The following METTL8 variants were observed in gnomAD, a reference collection of about 807,000 sequenced individuals.
The protein encoded by METTL8 is methyltransferase 8, tRNA N3-cytidine.
A neutral mutation model predicts 48.7 loss-of-function variants in METTL8; 32 were observed. The ratio of observed to expected loss-of-function variants is 0.66; its 90% CI spans 0.50 to 0.88. The LOEUF is 0.88. Ranked by LOEUF, METTL8 falls within the 40% of genes least tolerant of loss-of-function variation. The pLI is 0.00. For missense variants in METTL8, 464 were observed against 474.4 expected (o/e 0.98, Z 0.20); for synonymous variants, 136 against 157.1 (o/e 0.87, Z 1.01).
chr2:171,363,818 T>TATATATA (rs1253414074), intron 2 of METTL8, among the ~76,000 whole-genome samples: 1 of 52,968 alleles, frequency 1.9e-5, no homozygotes, highest in Non-Finnish European at 4.0e-5. Flanking sequence ...ATATATATCT[T>TATATATA]TTTTTTTTTT....
chr2:171,322,006 A>G lies in METTL8; in HGVS notation c.*2166T>C, dbSNP rs1684544403. On this transcript the variant is annotated 3_prime_UTR_variant, in exon 10 of 10. Transcript: ENST00000375258. Reference sequence around the variant, plus strand: ...ATACGCAGTCTAACAACTGTCACCCAGGCTGGAGGGCAGTGGTGTCATCTC... The same window carrying G: ...ATACGCAGTCTAACAACTGTCACCCGGGCTGGAGGGCAGTGGTGTCATCTC... The G allele has an allele frequency of 6.7e-6, 1 of 149,070 alleles. No individual in the cohort carries two copies. The highest frequency in any genetic ancestry group is 2.5e-5 in the African/African-American group (1 of 40,550). The allele number at this position is 149,070 out of a possible 1,614,324, so 9.2% of individuals were successfully genotyped here.
At chr2:171,396,261 C>CAATG (rs1318966986) in intron 1 of METTL8, among the ~76,000 whole-genome samples, 4 of 146,454 alleles carry the variant, frequency 2.7e-5, no homozygotes, top group African/African-American at 1.0e-4. Flanking sequence ...GACTCTGTCT[C>CAATG]AATGAATAAA....
rs118149460 is a variant in METTL8, at chr2:171,329,144, C to G, written c.860+1415G>C. Among the ~76,000 whole-genome samples the G allele has an allele frequency of 1.9e-3, 286 of 151,502 alleles. 7 individuals carry two copies. In the East Asian group the frequency reaches 0.028, roughly 15 times the overall value. On this transcript the variant is annotated intron_variant, in intron 7 of 9. Coordinates refer to ENST00000375258, the MANE Select transcript of METTL8 (RefSeq NM_001321154.2). ...GGGATTATAGGCGCCCACCACCATG[C>G]CTGGCTACAGGAGGCAGAGGTTTCA...
intron 2 of METTL8, among the ~76,000 whole-genome samples, chr2:171,362,101 G>C (rs529152182): frequency 1.3e-5 from 2 of 152,286 alleles, no homozygotes; most frequent in East Asian, 3.9e-4. Context: ...AGATGAAGTT[G>C]GGAGCTGGGT....
intron 7 of METTL8, 49 bp from the exon 8 acceptor site, chr2:171,326,197 T>A: frequency 9.9e-7 from 1 of 1,006,446 alleles, no homozygotes; most frequent in African/African-American, 1.7e-5. Flanking sequence ...GAAATCTTGT[T>A]TTATATGCTG....
chr2:171,328,305 A>G (rs984326791), intron 7 of METTL8, among the ~76,000 whole-genome samples: 6 of 152,194 alleles, frequency 3.9e-5, no homozygotes, highest in Admixed American at 2.0e-4. Flanking sequence ...CAGTGACAAG[A>G]AGGACAATTC....
chr2:171,365,464 G>T (rs768305171), intron 2 of METTL8, among the ~76,000 whole-genome samples: 22 of 152,056 alleles, frequency 1.4e-4, no homozygotes, highest in Non-Finnish European at 2.8e-4. Context: ...CAATAAATTG[G>T]GTGGAGGCCG....
chr2:171,359,115 G>C (rs951495231), intron 3 of METTL8, among the ~76,000 whole-genome samples: 10 of 149,246 alleles, frequency 6.7e-5, no homozygotes, highest in African/African-American at 2.5e-4. Context: ...GTCAGATTAA[G>C]CTGCAGTGAG....
intron 1 of METTL8, among the ~76,000 whole-genome samples, chr2:171,403,364 A>G (rs895298985): frequency 6.6e-6 from 1 of 152,086 alleles, no homozygotes; most frequent in Non-Finnish European, 1.5e-5. Flanking sequence ...TCATAAGAAA[A>G]CTATCAGATA....
At chr2:171,398,355 A>G (rs1346849700) in intron 1 of METTL8, among the ~76,000 whole-genome samples, 1 of 152,186 alleles carries the variant, frequency 6.6e-6, no homozygotes, top group Admixed American at 6.5e-5. Context: ...ACATGGTACA[A>G]CCATGGATGA....
intron 5 of METTL8, among the ~76,000 whole-genome samples, chr2:171,333,818 G>T (rs781314712): frequency 2.0e-5 from 3 of 151,946 alleles, no homozygotes; most frequent in Non-Finnish European, 4.4e-5. Context: ...CATGACCTTG[G>T]GCTAGTTGCT....
At chr2:171,370,184 C>CA (rs1686172171) in intron 2 of METTL8, among the ~76,000 whole-genome samples, 1 of 151,968 alleles carries the variant, frequency 6.6e-6, no homozygotes. Flanking sequence ...TATTAATATA[C>CA]AATGCTACCT....
chr2:171,330,697 G>A lies in METTL8; in HGVS notation c.722C>T (p.Ser241Leu). 6.2e-7 allele frequency: 1 copy of A among 1,606,154 alleles called. No homozygotes were observed. The highest frequency in any genetic ancestry group is 8.5e-7 in the Non-Finnish European group (1 of 1,177,656). Residue 241 changes from serine to leucine, a missense_variant and splice_region_variant, in exon 7 of 10, where the codon TCA becomes TTA. Ser to Leu is a moderately radical substitution (Grantham distance 145). Coordinates refer to ENST00000375258, the MANE Select transcript of METTL8 (RefSeq NM_001321154.2). ...CTGGGTTGCTCTGTAGGACGAGTGTGACTGTCATGATAAAGGAACAGAAAG... is the reference window on the plus strand; with the variant it reads ...CTGGGTTGCTCTGTAGGACGAGTGTAACTGTCATGATAAAGGAACAGAAAG... ...FASGAVELVK[S>L]HSSYRATQCF...
chr2:171,340,231 G>C (rs1282229275), intron 3 of METTL8, among the ~76,000 whole-genome samples: 2 of 150,144 alleles, frequency 1.3e-5, no homozygotes, highest in African/African-American at 2.5e-5. Flanking sequence ...GGCTGGGCAC[G>C]GTGGCTCATA....
chr2:171,365,814 A>T (rs1685658707), intron 2 of METTL8, among the ~76,000 whole-genome samples: 1 of 152,246 alleles, frequency 6.6e-6, no homozygotes. Context: ...AACTGCTTTT[A>T]AACACTGGAC....
intron 3 of METTL8, among the ~76,000 whole-genome samples, chr2:171,359,843 G>A (rs865786933): frequency 2.0e-5 from 3 of 152,094 alleles, no homozygotes; most frequent in South Asian, 4.2e-4. Context: ...TGCCCACCTC[G>A]GCCACCCAAA....
At chr2:171,346,013 G>A (rs1319624659) in intron 3 of METTL8, among the ~76,000 whole-genome samples, 1 of 152,034 alleles carries the variant, frequency 6.6e-6, no homozygotes, top group Non-Finnish European at 1.5e-5. Context: ...TGAGGGCCTG[G>A]ATCTATAGTT....
chr2:171,341,791 T>G (rs1427339757), intron 3 of METTL8, among the ~76,000 whole-genome samples: 1 of 150,968 alleles, frequency 6.6e-6, no homozygotes, highest in Non-Finnish European at 1.5e-5. Context: ...CTCATTAAAA[T>G]AAGAAGAAAA....
At chr2:171,416,612 C>T (rs958545862) in intron 1 of METTL8, among the ~76,000 whole-genome samples, 17 of 152,242 alleles carry the variant, frequency 1.1e-4, no homozygotes, top group African/African-American at 4.1e-4. Context: ...GGTTGAAAAT[C>T]TGAGAACCAC....
Sources: allele counts gnomAD v4.1 joint callset (sites outside exome capture counted in the v4.1 genomes callset), GRCh38; gene constraint gnomAD v4.1.1; transcripts MANE v1.5; gene names NCBI Gene and HGNC (gene_info 2026-07-23, HGNC 2026-07-21).